The following XRCC5 variants were observed in gnomAD, a reference collection of about 807,000 sequenced individuals.
XRCC5 encodes the protein X-ray repair cross complementing 5, also known as DNA repair protein Ku80.
XRCC5 carries 12 observed loss-of-function variants against 95.7 expected under a neutral mutation model. The ratio of observed to expected loss-of-function variants is 0.13; its 90% CI spans 0.08 to 0.20. The LOEUF is 0.20. Among genes scored for constraint, XRCC5 ranks in the 10% least tolerant of loss-of-function variants. The pLI is 1.00. For synonymous variants in XRCC5, 281 were observed against 290.3 expected (o/e 0.97, Z 0.33); for missense variants, 595 against 873.9 (o/e 0.68, Z 4.02).
rs1360267384 is a variant in XRCC5 at position 216,187,817 on chromosome 2, ACACACTCT to A, written c.1835-2406_1835-2399del. ...CACACACACACACACACACACACAC[ACACACTCT>A]CTCTCTCTCTCTCTCTCTCTCTCTC... On this transcript the variant is annotated intron_variant, in intron 16 of 20. Transcript: ENST00000392132. Among the ~76,000 whole-genome samples the A allele has an allele frequency of 2.9e-3, 170 of 59,030 alleles. No homozygotes were observed. The East Asian group carries it at 0.032, about 11-fold the overall frequency. The allele number at this position is 59,030 out of a possible 152,430, so 38.7% of individuals were successfully genotyped here.
chr2:216,186,999 A>G (rs1689504789), intron 16 of XRCC5, among the ~76,000 whole-genome samples: 1 of 152,234 alleles, frequency 6.6e-6, no homozygotes, highest in Admixed American at 6.5e-5. Context: ...TACTCAGTAT[A>G]TTCAAGCGTC....
Position 216,116,775 on chromosome 2 carries a change from G to C in XRCC5, c.252G>C (p.Met84Ile). 6.2e-7 allele frequency: 1 copy of C among 1,614,192 alleles called. No individual in the cohort carries two copies. The highest frequency in any genetic ancestry group is 8.5e-7 in the Non-Finnish European group (1 of 1,180,020). The change falls in exon 3 of 21, where the codon ATG becomes ATC. Residue 84 changes from methionine to isoleucine, a missense_variant. Around this residue, in one of 2 missense-constraint regions of XRCC5, gnomAD observed 286 missense variants for 491.1 expected, o/e 0.58. Coordinates refer to ENST00000392132, the MANE Select transcript of XRCC5 (RefSeq NM_021141.4). Reference sequence around the variant, plus strand: ...ACATCACAGTGCACAGACATCTGATGCTACCAGATTTTGATTTGCTGGAGG... The same window carrying C: ...ACATCACAGTGCACAGACATCTGATCCTACCAGATTTTGATTTGCTGGAGG... ...YQNITVHRHL[M>I]LPDFDLLEDI...
At chr2:216,163,166 G>A (rs956177862) in intron 16 of XRCC5, among the ~76,000 whole-genome samples, 14 of 151,152 alleles carry the variant, frequency 9.3e-5, no homozygotes, top group East Asian at 1.9e-4. Flanking sequence ...ACAGGGTCTC[G>A]CTGTGTCACC....
chr2:216,135,495 T>C (rs748039389), intron 10 of XRCC5, among the ~76,000 whole-genome samples: 9 of 151,898 alleles, frequency 5.9e-5, no homozygotes, highest in Non-Finnish European at 1.5e-5. Context: ...AGAGACAGTA[T>C]AGAGGTAGAA....
intron 4 of XRCC5, among the ~76,000 whole-genome samples, chr2:216,118,198 G>A (rs537956882): frequency 6.6e-6 from 1 of 151,170 alleles, no homozygotes; most frequent in African/African-American, 2.4e-5. Context: ...TTGAGTTGGG[G>A]TCTTGTTCTG....
At chr2:216,177,420 G>A (rs1318014391) in intron 16 of XRCC5, among the ~76,000 whole-genome samples, 2 of 152,176 alleles carry the variant, frequency 1.3e-5, no homozygotes, top group African/African-American at 4.8e-5. Context: ...TCAGGTAATA[G>A]AGTATATGTT....
intron 12 of XRCC5, among the ~76,000 whole-genome samples, chr2:216,139,108 CTA>C (rs778140674): frequency 8.5e-5 from 13 of 152,068 alleles, no homozygotes; most frequent in Non-Finnish European, 1.8e-4. Flanking sequence ...TACTCTGTCT[CTA>C]TTTCCTGATA....
At chr2:216,116,532 C>T in intron 2 of XRCC5, 127 bp from the exon 3 acceptor site, 2 of 984,542 alleles carry the variant, frequency 2.0e-6, no homozygotes, top group Non-Finnish European at 3.1e-6. Context: ...TTCATCCCGC[C>T]CAATACTATA....
intron 14 of XRCC5, among the ~76,000 whole-genome samples, chr2:216,150,633 A>G (rs1688724765): frequency 6.6e-6 from 1 of 152,200 alleles, no homozygotes; most frequent in Admixed American, 6.5e-5. Context: ...ATCTAATGAT[A>G]GATGCCTAGG....
Position 216,142,002 on chromosome 2 carries a change from C to G in XRCC5, c.1476+683C>G, listed in dbSNP as rs111625503. On this transcript the variant is annotated intron_variant, in intron 13 of 20. Transcript: ENST00000392132. ...CTGGGAGATGGAGAGTGGAGTTAGC[C>G]GAGATCACGACCCTGTACTCCAGCC... Among the ~76,000 whole-genome samples the G allele has an allele frequency of 1.4e-3, 213 of 151,834 alleles. 2 individuals are homozygous for G. The highest frequency in any genetic ancestry group is 4.9e-3 in the African/African-American group (201 of 41,364).
chr2:216,204,143 C>G (rs1418872571), intron 19 of XRCC5, 179 bp from the exon 20 acceptor site: 4 of 654,188 alleles, frequency 6.1e-6, no homozygotes, highest in Admixed American at 5.3e-5. Context: ...AAAACTGGGC[C>G]TCTCACCCAA....
intron 16 of XRCC5, chr2:216,175,182 A>T: frequency 1.1e-5 from 4 of 366,818 alleles, no homozygotes; most frequent in South Asian, 9.2e-5. Flanking sequence ...AGCCCCCACT[A>T]CTGCTGTAGG....
At chr2:216,200,883 C>CT (rs1359508149) in intron 19 of XRCC5, among the ~76,000 whole-genome samples, 1 of 152,074 alleles carries the variant, frequency 6.6e-6, no homozygotes, top group Non-Finnish European at 1.5e-5. Flanking sequence ...CTTGTTTGTC[C>CT]TTTGGCAGTT....
At chr2:216,175,301 C>A in intron 16 of XRCC5, 1 of 450,672 alleles carries the variant, frequency 2.2e-6, no homozygotes, top group South Asian at 1.7e-5. Context: ...ACCACCAGAG[C>A]CTCCTCTTCC....
At chr2:216,183,187 A>G (rs1689420480) in intron 16 of XRCC5, among the ~76,000 whole-genome samples, 1 of 152,220 alleles carries the variant, frequency 6.6e-6, no homozygotes, top group African/African-American at 2.4e-5. Context: ...CTGTGGCTAC[A>G]AACTAGGATT....
chr2:216,163,041 C>T (rs1688982459), intron 16 of XRCC5, among the ~76,000 whole-genome samples: 1 of 152,154 alleles, frequency 6.6e-6, no homozygotes, highest in Non-Finnish European at 1.5e-5. Flanking sequence ...CAAGTCTGGC[C>T]TGTCTGCGAG....
chr2:216,125,320 C>T (rs1336846102), intron 6 of XRCC5, among the ~76,000 whole-genome samples: 4 of 152,050 alleles, frequency 2.6e-5, no homozygotes, highest in Admixed American at 1.3e-4. Context: ...ACCTCAGCCT[C>T]CCTAGTAGCT....
intron 19 of XRCC5, among the ~76,000 whole-genome samples, chr2:216,198,964 A>G (rs770635691): frequency 3.9e-5 from 6 of 152,224 alleles, no homozygotes; most frequent in Non-Finnish European, 8.8e-5. Context: ...TTCTGGCTCA[A>G]GGAAGCTGAT....
chr2:216,115,083 C>G (rs1184520435), intron 2 of XRCC5, among the ~76,000 whole-genome samples: 1 of 152,168 alleles, frequency 6.6e-6, no homozygotes, highest in African/African-American at 2.4e-5. Context: ...GGTTCTCTTC[C>G]AAGTGTACTC....
Sources: gnomAD v4.1 joint callset for allele counts (sites outside exome capture counted in the v4.1 genomes callset) on GRCh38, gnomAD v4.1.1 for gene constraint, gnomAD v4.1.1 regional missense constraint, MANE v1.5 for transcripts, NCBI Gene and HGNC (gene_info 2026-07-23, HGNC 2026-07-21) for gene names.